Variants in DLG2 observed in about 807,000 individuals in gnomAD.
DLG2 encodes the protein discs large MAGUK scaffold protein 2.
A neutral mutation model predicts 132.5 loss-of-function variants in DLG2; 45 were observed. The ratio of observed to expected loss-of-function variants is 0.34; its 90% CI spans 0.27 to 0.44. DLG2 has a LOEUF of 0.44. DLG2 is among the 20% of genes least tolerant of loss of function. DLG2 has a pLI of 1.00. For missense variants in DLG2, 1,045 were observed against 1,196.9 expected (o/e 0.87, Z 1.87); for synonymous variants, 424 against 419.6 (o/e 1.01, Z -0.13).
chr11:83,831,518 G>T (rs1211601165), intron 17 of DLG2, among the ~76,000 whole-genome samples: 1 of 152,076 alleles, frequency 6.6e-6, no homozygotes, highest in Non-Finnish European at 1.5e-5. Flanking sequence ...CTGTGTGTGT[G>T]TGTGTGTGTA....
At chr11:83,548,579 A>C (rs12275432) in intron 19 of DLG2, among the ~76,000 whole-genome samples, 30,163 of 151,902 alleles carry the variant, frequency 0.2, 3,248 homozygotes, top group African/African-American at 0.23. Flanking sequence ...CAACAACAAC[A>C]ACCCACTGAG....
chr11:83,781,221 T>C (rs1479954899), intron 18 of DLG2, among the ~76,000 whole-genome samples: 1 of 152,170 alleles, frequency 6.6e-6, no homozygotes, highest in East Asian at 1.9e-4. Flanking sequence ...GCCCACTATA[T>C]ATTTCTCTGT....
chr11:85,227,591 A>G (rs530604304), intron 4 of DLG2, among the ~76,000 whole-genome samples: 2 of 152,240 alleles, frequency 1.3e-5, no homozygotes, highest in African/African-American at 4.8e-5. Context: ...GCCTTGCATA[A>G]TTCTTTGTTA....
At chr11:84,295,811 T>G (rs1296634525) in intron 7 of DLG2, among the ~76,000 whole-genome samples, 1 of 152,186 alleles carries the variant, frequency 6.6e-6, no homozygotes. Context: ...ACTATAATAT[T>G]TCTGCTGATC....
chr11:84,523,672 A>G (rs2099311353), intron 7 of DLG2, among the ~76,000 whole-genome samples: 1 of 152,226 alleles, frequency 6.6e-6, no homozygotes, highest in Non-Finnish European at 1.5e-5. Context: ...TAAGTGCCTT[A>G]TATTGATGAG....
At chr11:84,364,722 C>G (rs200764639) in intron 7 of DLG2, among the ~76,000 whole-genome samples, 12,057 of 151,748 alleles carry the variant, frequency 0.079, 508 homozygotes, top group South Asian at 0.15. Context: ...TAGCATGAAG[C>G]GTTGTTGAAT....
At chr11:84,924,428 C>T (rs1223880761) in intron 6 of DLG2, among the ~76,000 whole-genome samples, 1 of 152,166 alleles carries the variant, frequency 6.6e-6, no homozygotes, top group African/African-American at 2.4e-5. Context: ...GCTGCAGTGA[C>T]TTTTAGGATC....
At chr11:84,796,685 T>C (rs376657463) in intron 6 of DLG2, among the ~76,000 whole-genome samples, 1 of 128,742 alleles carries the variant, frequency 7.8e-6, no homozygotes, top group African/African-American at 2.5e-5. Context: ...GGGTAATTTT[T>C]TTCCCCCTGC....
At chr11:84,443,103 A>G (rs865923901) in intron 7 of DLG2, among the ~76,000 whole-genome samples, 3 of 152,212 alleles carry the variant, frequency 2.0e-5, no homozygotes, top group Non-Finnish European at 2.9e-5. Context: ...AACAAAGCCT[A>G]TATCTTTTTC....
At chr11:84,386,786 C>T (rs866255955) in intron 7 of DLG2, among the ~76,000 whole-genome samples, 1 of 152,000 alleles carries the variant, frequency 6.6e-6, no homozygotes, top group African/African-American at 2.4e-5. Context: ...ACAAACCATG[C>T]ATTTTAAAAT....
intron 6 of DLG2, among the ~76,000 whole-genome samples, chr11:84,833,446 C>G (rs1355691301): frequency 1.3e-5 from 2 of 151,668 alleles, no homozygotes; most frequent in Non-Finnish European, 3.0e-5. Flanking sequence ...TTATCTCACC[C>G]CTACAATACT....
rs554166303 is a variant in DLG2, at chr11:83,797,760, C to T, written c.1723-10968G>A. Among the ~76,000 whole-genome samples the T allele has an allele frequency of 4.6e-5, 7 of 152,132 alleles. No individual in the cohort carries two copies. The East Asian group carries it at 9.7e-4, about 21-fold the overall frequency. ...GTCTCGATCTCCTGACCTTGTGATCCGCCCGCCTCGGCCTCCCAAAGTGCT... is the reference window on the plus strand; with the variant it reads ...GTCTCGATCTCCTGACCTTGTGATCTGCCCGCCTCGGCCTCCCAAAGTGCT... On this transcript the variant is annotated intron_variant, in intron 17 of 27. Coordinates refer to ENST00000376104, the MANE Select transcript of DLG2 (RefSeq NM_001142699.3).
intron 8 of DLG2, among the ~76,000 whole-genome samples, chr11:84,200,371 T>G (rs891836197): frequency 1.3e-5 from 2 of 152,020 alleles, no homozygotes; most frequent in Non-Finnish European, 2.9e-5. Context: ...ACATAAAAAT[T>G]AGTCACCCGA....
chr11:84,195,313 G>A (rs1254363537), intron 8 of DLG2, among the ~76,000 whole-genome samples: 7 of 152,132 alleles, frequency 4.6e-5, no homozygotes, highest in African/African-American at 1.2e-4. Context: ...ACAGGCACAC[G>A]CCACCACGTC....
intron 7 of DLG2, among the ~76,000 whole-genome samples, chr11:84,506,304 T>A (rs993173083): frequency 7.9e-5 from 12 of 151,882 alleles, no homozygotes; most frequent in African/African-American, 2.9e-4. Context: ...CTCGATCTCC[T>A]GACCTCGTGA....
chr11:84,778,561 T>C (rs2153903263), intron 6 of DLG2, among the ~76,000 whole-genome samples: 1 of 152,354 alleles, frequency 6.6e-6, no homozygotes, highest in Non-Finnish European at 1.5e-5. Flanking sequence ...GTTAACAATA[T>C]TAATTCTTCC....
intron 18 of DLG2, among the ~76,000 whole-genome samples, chr11:83,771,490 T>G (rs533964575): frequency 5.3e-5 from 8 of 152,294 alleles, no homozygotes; most frequent in African/African-American, 1.7e-4. Flanking sequence ...TGAACCTAGA[T>G]GGTATAGCCT....
chr11:84,124,868 G>A (rs1435745873), intron 9 of DLG2, among the ~76,000 whole-genome samples: 1 of 21,448 alleles, frequency 4.7e-5, no homozygotes, highest in Non-Finnish European at 1.1e-4. Context: ...TTTTTTTTTT[G>A]AGAGGGTGTT....
chr11:85,144,731 C>T (rs1011094596), intron 5 of DLG2, among the ~76,000 whole-genome samples: 6 of 152,042 alleles, frequency 3.9e-5, no homozygotes, highest in African/African-American at 1.4e-4. Context: ...ACTTTATCCT[C>T]CATGTTCTTT....
Sources: allele counts gnomAD v4.1 joint callset (sites outside exome capture counted in the v4.1 genomes callset), GRCh38; gene constraint gnomAD v4.1.1; transcripts MANE v1.5; gene names NCBI Gene and HGNC (gene_info 2026-07-23, HGNC 2026-07-21).